Variants in FOCAD observed in about 807,000 individuals in gnomAD.
The protein encoded by FOCAD is focadhesin.
FOCAD carries 198 observed loss-of-function variants against 225.6 expected under a neutral mutation model. The ratio of observed to expected loss-of-function variants is 0.88; its 90% CI spans 0.78 to 0.99. FOCAD has a LOEUF of 0.99. FOCAD is among the 50% of genes least tolerant of loss of function. The pLI is 0.00. For synonymous variants in FOCAD, 897 were observed against 755.0 expected, an observed-to-expected ratio of 1.19 and a Z score of -3.08; for missense variants, 2,713 against 2,123.6, an observed-to-expected ratio of 1.28 and a Z score of -5.46.
In FOCAD at chr9:20,821,250, ATG is replaced by A. The variant is rs201456073; in HGVS notation, c.1793+181_1793+182del. On this transcript the variant is annotated intron_variant, in intron 14 of 43. Transcript: ENST00000338382. Reference sequence around the variant, plus strand: ...ATATTGAACAATAGCTTTGAGAAGTATGTCTTTTCTTTTCAGGACTAGTCTTG... The same window carrying A: ...ATATTGAACAATAGCTTTGAGAAGTATCTTTTCTTTTCAGGACTAGTCTTG... Among the ~76,000 whole-genome samples the A allele has an allele frequency of 2.2e-3, 335 of 152,204 alleles. 9 individuals are homozygous for A. The East Asian group carries it at 0.043, about 19-fold the overall frequency.
chr9:20,676,571 T>A (rs1563869677), intron 2 of FOCAD, among the ~76,000 whole-genome samples: 1 of 152,220 alleles, frequency 6.6e-6, no homozygotes, highest in East Asian at 1.9e-4. Flanking sequence ...AATGTCAACC[T>A]GCTTAATATA....
chr9:20,849,639 A>G (rs1827455193), intron 15 of FOCAD, among the ~76,000 whole-genome samples: 1 of 151,916 alleles, frequency 6.6e-6, no homozygotes, highest in Non-Finnish European at 1.5e-5. Context: ...AGTGAAAAAA[A>G]TCATTAACGT....
chr9:20,715,292 C>G, intron 1 of FOCAD, 30 bp from the exon 2 acceptor site: 1 of 1,106,662 alleles, frequency 9.0e-7, no homozygotes, highest in Non-Finnish European at 1.3e-6. Flanking sequence ...AGTTGGAAGA[C>G]TAACAAATAT....
chr9:20,982,504 T>G lies in FOCAD; in HGVS notation c.4728+58T>G, dbSNP rs4304410. 1,398,089 of 1,398,406 alleles carry G rather than the reference T, an allele frequency of 1. 698,886 individuals are homozygous for G. Among genetic ancestry groups the G allele is most frequent in the Middle Eastern group, 1 (5,592 of 5,592 alleles). The allele number at this position is 1,398,406 out of a possible 1,614,324, so 86.6% of individuals were successfully genotyped here. ...TATTGAGCCAGAAATTACGATTGAA[T>G]AATTGATTTCAGTGTTTGGCTGAAG... On this transcript the variant is annotated intron_variant, in intron 39 of 43. Coordinates refer to ENST00000338382, the MANE Select transcript of FOCAD (RefSeq NM_001375567.1).
chr9:20,675,906 T>G (rs1260241436), intron 2 of FOCAD, among the ~76,000 whole-genome samples: 1 of 152,134 alleles, frequency 6.6e-6, no homozygotes, highest in Non-Finnish European at 1.5e-5. Flanking sequence ...ATTCAAGGAG[T>G]CAACGCTGAG....
intron 2 of FOCAD, 73 bp downstream of exon 2, chr9:20,715,483 A>T: frequency 1.5e-6 from 1 of 648,840 alleles, no homozygotes; most frequent in Non-Finnish European, 2.3e-6. Flanking sequence ...TGAACTTTAT[A>T]TATTTAATAT....
At chr9:20,659,617 T>C (rs1051467455) in intron 2 of FOCAD, among the ~76,000 whole-genome samples, 4 of 152,180 alleles carry the variant, frequency 2.6e-5, no homozygotes, top group African/African-American at 9.7e-5. Context: ...GCTAACACTT[T>C]GATGTTGGAT....
intron 15 of FOCAD, among the ~76,000 whole-genome samples, chr9:20,860,329 C>A (rs941071229): frequency 1.2e-4 from 19 of 152,032 alleles, no homozygotes; most frequent in African/African-American, 4.6e-4. Flanking sequence ...AAAAACATAC[C>A]CAAGACTGCG....
chr9:20,901,192 ATGTGTGTGTGTGTGTG>A (rs71334562), intron 21 of FOCAD, among the ~76,000 whole-genome samples: 36 of 105,756 alleles, frequency 3.4e-4, no homozygotes, highest in Non-Finnish European at 7.2e-4. Flanking sequence ...TGTGGAAACA[ATGTGTGTGTGTGTGTG>A]TGTGTGTGTG....
chr9:20,751,843 T>C (rs981076796), intron 5 of FOCAD, among the ~76,000 whole-genome samples: 20 of 145,186 alleles, frequency 1.4e-4, no homozygotes, highest in Non-Finnish European at 2.1e-4. Flanking sequence ...TTTTAATGAT[T>C]GCCATTCTAA....
At chr9:20,771,203 G>A (rs1186445720) in intron 8 of FOCAD, among the ~76,000 whole-genome samples, 2 of 152,182 alleles carry the variant, frequency 1.3e-5, no homozygotes, top group Non-Finnish European at 2.9e-5. Context: ...AAAACAAGAG[G>A]ATGTTGGGTA....
chr9:20,704,451 A>G (rs1170078710), intron 1 of FOCAD, among the ~76,000 whole-genome samples: 1 of 152,234 alleles, frequency 6.6e-6, no homozygotes, highest in Non-Finnish European at 1.5e-5. Flanking sequence ...CTTTGCAACA[A>G]TCAAAAATGT....
At chr9:20,855,311 G>T (rs1029740299) in intron 15 of FOCAD, among the ~76,000 whole-genome samples, 7 of 151,540 alleles carry the variant, frequency 4.6e-5, no homozygotes, top group Admixed American at 1.3e-4. Flanking sequence ...AAATAAATAT[G>T]TCAAGGAACT....
At chr9:20,990,432 T>G in intron 42 of FOCAD, 58 bp downstream of exon 42, 1 of 1,584,596 alleles carries the variant, frequency 6.3e-7, no homozygotes, top group South Asian at 1.1e-5. Context: ...TTCAGCAGTT[T>G]CTACTGTAGA....
At chr9:20,700,890 G>A (rs34555193) in intron 1 of FOCAD, among the ~76,000 whole-genome samples, 1 of 152,180 alleles carries the variant, frequency 6.6e-6, no homozygotes, top group East Asian at 1.9e-4. Flanking sequence ...ACCCTGAAGG[G>A]GGTGAACAAG....
intron 37 of FOCAD, 107 bp from the exon 38 acceptor site, chr9:20,981,319 C>T: frequency 4.6e-6 from 6 of 1,299,234 alleles, no homozygotes; most frequent in East Asian, 2.3e-5. Context: ...TAACCTGAAC[C>T]TTTTATCTCT....
At chr9:20,875,578 C>T (rs1477121542) in intron 19 of FOCAD, 2 of 145,918 alleles carry the variant, frequency 1.4e-5, no homozygotes, top group African/African-American at 2.5e-5. Context: ...TAGGTGACAG[C>T]CTAGGTGACA....
intron 9 of FOCAD, among the ~76,000 whole-genome samples, chr9:20,779,206 G>A (rs1055358201): frequency 6.6e-6 from 1 of 152,172 alleles, no homozygotes; most frequent in African/African-American, 2.4e-5. Context: ...TGACAGTCCA[G>A]TATTGACTTA....
intron 11 of FOCAD, among the ~76,000 whole-genome samples, chr9:20,815,420 C>T (rs1044452485): frequency 5.3e-5 from 8 of 151,470 alleles, no homozygotes; most frequent in Non-Finnish European, 8.8e-5. Context: ...GTTGGGATTA[C>T]AGGCACGAGC....
Sources: gnomAD v4.1 joint callset for allele counts (sites outside exome capture counted in the v4.1 genomes callset) on GRCh38, gnomAD v4.1.1 for gene constraint, MANE v1.5 for transcripts, NCBI Gene and HGNC (gene_info 2026-07-23, HGNC 2026-07-21) for gene names.